THUMPD2: variants seen among roughly 807,000 people sequenced by gnomAD.
THUMPD2 encodes THUMP domain 2 tRNA and snRNA guanosine methyltransferase, also known as U6 snRNA (guanine-N(2))-methyltransferase THUMPD2.
Under a neutral mutation model 49.4 loss-of-function variants are expected in THUMPD2, and 56 were observed. That is an observed-to-expected ratio of 1.13 (90% CI 0.91 to 1.41). The LOEUF (loss-of-function observed/expected upper bound fraction) is 1.41, where lower values mean the gene tolerates loss of function less well. Ranked by LOEUF, THUMPD2 falls within the 40% of genes most tolerant of loss-of-function variation. The probability of loss-of-function intolerance (pLI) is 0.00; values close to 1 mark genes in which losing one functional copy is unlikely to be tolerated. For synonymous variants in THUMPD2, 237 were observed against 205.2 expected (o/e 1.15, Z -1.32); for missense variants, 709 against 594.5 (o/e 1.19, Z -2.00).
At chr2:39,743,063 G>A (rs531224398) in intron 9 of THUMPD2, among the ~76,000 whole-genome samples, 1 of 152,200 alleles carries the variant, frequency 6.6e-6, no homozygotes, top group African/African-American at 2.4e-5. Context: ...CCAAAATGCA[G>A]TGAGATGACT....
intron 2 of THUMPD2, among the ~76,000 whole-genome samples, chr2:39,771,272 G>T (rs1457250309): frequency 6.6e-6 from 1 of 151,978 alleles, no homozygotes; most frequent in African/African-American, 2.4e-5. Context: ...GAAGAAATGT[G>T]GCTTAGGACA....
intron 1 of THUMPD2, among the ~76,000 whole-genome samples, chr2:39,776,123 C>T (rs556029499): frequency 2.6e-5 from 4 of 152,244 alleles, no homozygotes; most frequent in Non-Finnish European, 2.9e-5. Context: ...CTTAATAATA[C>T]ATTAAACATC....
At chr2:39,770,420 T>C (rs186612204) in intron 2 of THUMPD2, among the ~76,000 whole-genome samples, 2 of 152,296 alleles carry the variant, frequency 1.3e-5, no homozygotes, top group Admixed American at 1.3e-4. Flanking sequence ...CTCTTCAATA[T>C]ATACATAGAC....
At chr2:39,775,520 A>G (rs1348117198) in intron 1 of THUMPD2, among the ~76,000 whole-genome samples, 1 of 152,174 alleles carries the variant, frequency 6.6e-6, no homozygotes, top group Non-Finnish European at 1.5e-5. Flanking sequence ...CTGTAATCCC[A>G]GCACTTTGAG....
At chr2:39,749,804 G>A (rs998810228) in intron 8 of THUMPD2, among the ~76,000 whole-genome samples, 9 of 150,606 alleles carry the variant, frequency 6.0e-5, no homozygotes, top group African/African-American at 1.7e-4. Flanking sequence ...CCCCAACCAC[G>A]TGTTCTCATC....
At chr2:39,765,754 C>G (rs915728311) in intron 5 of THUMPD2, among the ~76,000 whole-genome samples, 1 of 151,998 alleles carries the variant, frequency 6.6e-6, no homozygotes, top group Admixed American at 6.5e-5. Flanking sequence ...GCCTAGAAGC[C>G]TTTTAGGTAT....
intron 3 of THUMPD2, 79 bp from the exon 4 acceptor site, chr2:39,768,580 A>G (rs1190590670): frequency 1.8e-6 from 2 of 1,141,606 alleles, no homozygotes; most frequent in African/African-American, 3.1e-5. Context: ...CTAACAGAGT[A>G]GCCTATAAGA....
At chr2:39,779,264 C>G, upstream of THUMPD2, 1 of 1,420,654 alleles carries the variant, frequency 7.0e-7, no homozygotes, top group Non-Finnish European at 9.2e-7. Context: ...GCCCTCGCGC[C>G]TTCGGGTCAC....
chr2:39,753,437 T>C (rs1299331447), intron 8 of THUMPD2, among the ~76,000 whole-genome samples: 1 of 152,082 alleles, frequency 6.6e-6, no homozygotes, highest in Non-Finnish European at 1.5e-5. Flanking sequence ...CAGTCCCCTT[T>C]CCCTTCTCTA....
At chr2:39,756,293 C>T (rs1448190342) in intron 6 of THUMPD2, among the ~76,000 whole-genome samples, 1 of 151,934 alleles carries the variant, frequency 6.6e-6, no homozygotes, top group East Asian at 1.9e-4. Context: ...GGCATAGATT[C>T]TGGTATGCTG....
chr2:39,747,339 A>T (rs2148208359), intron 8 of THUMPD2, among the ~76,000 whole-genome samples: 1 of 152,230 alleles, frequency 6.6e-6, no homozygotes, highest in South Asian at 2.1e-4. Flanking sequence ...GATGATTACT[A>T]TTCTTTTTCT....
Position 39,766,085 on chromosome 2 carries a change from A to C in THUMPD2, c.775T>G (p.Tyr259Asp). The change falls in exon 5 of 10, where the codon TAC becomes GAC. Residue 259 changes from tyrosine to aspartate, a missense_variant. By Grantham distance (160) the Tyr-to-Asp change is radical (BLOSUM62 -3). Transcript: ENST00000505747. ...AACACAGGAATCCCCACCACAGAGT[A>C]AATGTCATTTAGATGTATAAAGATC... ...LEIFIHLNDI[Y>D]SVVGIPVFRV... 1 of 1,588,960 alleles carries C rather than the reference A, an allele frequency of 6.3e-7. No individual in the cohort carries two copies. The highest frequency in any genetic ancestry group is 8.5e-7 in the Non-Finnish European group (1 of 1,171,444).
At position 39,736,675 on chromosome 2, in the gene THUMPD2, AAACTTCTGCTGTACAGCT is replaced by A. The variant is rs570636761; in HGVS notation, c.*42_*59del. The A allele has an allele frequency of 1.3e-3, 1,930 of 1,479,864 alleles. 21 individuals are homozygous for A. In the African/African-American group the frequency reaches 0.023, roughly 18 times the overall value. 91.7% of individuals were successfully genotyped at this position (1,479,864 alleles called of 1,614,324 possible). ...GTGCTATATGAATCCTAGAGACAGC[AAACTTCTGCTGTACAGCT>A]AACTTACAAGGGCCTGAACCCGGCT... On this transcript the variant is annotated 3_prime_UTR_variant, in exon 10 of 10. Transcript: ENST00000505747.
chr2:39,761,987 G>C (rs1676881060), intron 5 of THUMPD2, among the ~76,000 whole-genome samples: 1 of 152,064 alleles, frequency 6.6e-6, no homozygotes, highest in Admixed American at 6.6e-5. Flanking sequence ...TGAGTTCACT[G>C]GTCTCCAAAA....
At position 39,761,393 on chromosome 2, in the gene THUMPD2, T is replaced by G. The variant is rs1676807452; in HGVS notation, c.829A>C (p.Ile277Leu). ...FRVSLASRAY[I>L]KTAGLRSTIA... is the part of the protein sequence containing the mutation. ...GTAGATCGCAGTCCAGCTGTCTTGA[T>G]GTAAGCTCTGCTGGCTAGGGAAACC... is the stretch of plus-strand genomic sequence containing the variant. Residue 277 changes from isoleucine to leucine, a missense_variant, in exon 6 of 10, where the codon ATC (isoleucine) becomes CTC (leucine). Ile to Leu is a conservative substitution (Grantham distance 5, BLOSUM62 2). Coordinates refer to ENST00000505747, the MANE Select transcript of THUMPD2 (RefSeq NM_025264.5). The G allele has an allele frequency of 1.9e-6, 3 of 1,613,822 alleles. No individual in the cohort carries two copies. Among genetic ancestry groups the G allele is most frequent in the African/African-American group, 1.3e-5 (1 of 75,028 alleles).
rs140837930 is a variant in THUMPD2 at position 39,743,521 on chromosome 2, T to C, written c.1187+849A>G. Among the ~76,000 whole-genome samples the C allele has an allele frequency of 4.1e-3, 620 of 152,276 alleles. 7 individuals are homozygous for C. The highest frequency in any genetic ancestry group is 0.014 in the African/African-American group (587 of 41,550). On this transcript the variant is annotated intron_variant, in intron 9 of 9. Coordinates refer to ENST00000505747, the MANE Select transcript of THUMPD2 (RefSeq NM_025264.5). ...CCCCAGTGTTGGAGATGGGGCCTAA[T>C]GGGAAGTATTTGGATTATGTGGGTA... is the stretch of plus-strand genomic sequence containing the variant.
intron 5 of THUMPD2, among the ~76,000 whole-genome samples, chr2:39,762,869 G>C (rs975651892): frequency 9.9e-5 from 15 of 151,118 alleles, no homozygotes; most frequent in Non-Finnish European, 1.9e-4. Context: ...AATTTATATG[G>C]AACCTTTCAA....
intron 2 of THUMPD2, 103 bp from the exon 3 acceptor site, chr2:39,770,222 T>C: frequency 1.3e-6 from 1 of 766,884 alleles, no homozygotes; most frequent in Non-Finnish European, 1.9e-6. Context: ...TGAATTAAGT[T>C]TTATTAAATT....
At chr2:39,778,625 A>G (rs1572905180) in intron 1 of THUMPD2, among the ~76,000 whole-genome samples, 1 of 152,308 alleles carries the variant, frequency 6.6e-6, no homozygotes, top group Admixed American at 6.5e-5. Context: ...AGAGTATATT[A>G]TTTTTCTGGC....
Sources: allele counts gnomAD v4.1 joint callset (sites outside exome capture counted in the v4.1 genomes callset), GRCh38; gene constraint gnomAD v4.1.1; transcripts MANE v1.5; gene names NCBI Gene and HGNC (gene_info 2026-07-23, HGNC 2026-07-21).